The following DCTN5 variants were observed in gnomAD, a reference collection of about 807,000 sequenced individuals.
DCTN5 encodes dynactin subunit 5.
A neutral mutation model predicts 23.5 loss-of-function variants in DCTN5; 14 were observed. The ratio of observed to expected loss-of-function variants is 0.60; its 90% confidence interval spans 0.39 to 0.93. The LOEUF (loss-of-function observed/expected upper bound fraction) is 0.93. DCTN5 is among the 40% of genes least tolerant of loss of function. The probability of loss-of-function intolerance (pLI) is 0.00; values close to 1 mark genes in which losing one functional copy is unlikely to be tolerated. For missense variants in DCTN5, 156 were observed against 225.9 expected (o/e 0.69, Z 1.98); for synonymous variants, 67 against 79.6 (o/e 0.84, Z 0.84).
rs75130774 is a variant in DCTN5, at chr16:23,661,355, C to T, written c.348+74C>T. ...TCCCATCCCTCACTTCGGTGGGACC[C>T]TGTTTCTGTGACTAAGCAGGGTAGC... On this transcript the variant is annotated intron_variant, in intron 4 of 5. Transcript: ENST00000300087. 2.6e-3 allele frequency: 2,847 copies of T among 1,080,586 alleles called. 57 individuals are homozygous for T. In the African/African-American group the frequency reaches 0.04, roughly 15 times the overall value. 66.9% of individuals were successfully genotyped at this position (1,080,586 alleles called of 1,614,324 possible).
chr16:23,650,671 C>T lies in DCTN5; in HGVS notation c.117+7648C>T. ...TGCTGTGTACAATTCCACTTATCCA[C>T]CCTCCTCTTGGTGGAAAGTTACTTT... is the stretch of plus-strand genomic sequence containing the variant. On this transcript the variant is annotated intron_variant, in intron 2 of 5. Coordinates refer to ENST00000300087, the MANE Select transcript of DCTN5 (RefSeq NM_032486.4). 6 of 1,303,342 alleles carry T rather than the reference C, an allele frequency of 4.6e-6. No homozygotes were observed. In the South Asian group the frequency reaches 8.1e-5, roughly 18 times the overall value. The allele number at this position is 1,303,342 out of a possible 1,614,324, so 80.7% of individuals were successfully genotyped here.
intron 2 of DCTN5, among the ~76,000 whole-genome samples, chr16:23,646,842 C>G (rs1279230049): frequency 2.0e-5 from 3 of 152,044 alleles, no homozygotes; most frequent in African/African-American, 7.2e-5. Flanking sequence ...TCCCAAAGTG[C>G]CGGGATTACA....
intron 2 of DCTN5, among the ~76,000 whole-genome samples, chr16:23,643,274 C>T (rs1237854538): frequency 6.6e-6 from 1 of 151,922 alleles, no homozygotes; most frequent in East Asian, 1.9e-4. Flanking sequence ...TCGCTGCAAC[C>T]TCCGTCTCCC....
At chr16:23,663,075 C>T (rs1185097403) in intron 4 of DCTN5, among the ~76,000 whole-genome samples, 2 of 152,180 alleles carry the variant, frequency 1.3e-5, no homozygotes, top group Non-Finnish European at 2.9e-5. Context: ...TTTAGTCCAG[C>T]CGTCCCCATG....
rs1009239280 is a variant in DCTN5 at position 23,672,195 on chromosome 16, C to G, written c.*5051C>G. The G allele has an allele frequency of 2.0e-5, 3 of 152,152 alleles. No homozygotes were observed. Among genetic ancestry groups the G allele is most frequent in the African/African-American group, 4.8e-5 (2 of 41,414 alleles). 9.4% of individuals were successfully genotyped at this position (152,152 alleles called of 1,614,324 possible). A position where few individuals can be genotyped will look rare whatever the true frequency, so the allele number is the denominator to read the frequency against. On this transcript the variant is annotated 3_prime_UTR_variant, in exon 6 of 6. Transcript: ENST00000300087. ...TGAGAGACTCTGAGCTTCCTGGGAA[C>G]AGGTATAGGTTCTTTTTATTTCAAT...
intron 4 of DCTN5, among the ~76,000 whole-genome samples, chr16:23,663,626 G>A (rs972225917): frequency 6.6e-6 from 1 of 151,512 alleles, no homozygotes; most frequent in African/African-American, 2.4e-5. Flanking sequence ...TGAAACAGGA[G>A]AATCGCTTGA....
At chr16:23,660,908 G>C (rs1026469185) in intron 3 of DCTN5, among the ~76,000 whole-genome samples, 8 of 152,092 alleles carry the variant, frequency 5.3e-5, no homozygotes, top group African/African-American at 1.9e-4. Flanking sequence ...TTTGGTACCT[G>C]CTCTTTTAGC....
chr16:23,671,450 G>T lies in DCTN5; in HGVS notation c.*4306G>T, dbSNP rs966253570. The T allele has an allele frequency of 6.6e-6, 1 of 152,206 alleles. No homozygotes were observed. The highest frequency in any genetic ancestry group is 1.9e-4 in the East Asian group (1 of 5,202). The allele number at this position is 152,206 out of a possible 1,614,324, so 9.4% of individuals were successfully genotyped here. On this transcript the variant is annotated 3_prime_UTR_variant, in exon 6 of 6. Coordinates refer to ENST00000300087, the MANE Select transcript of DCTN5 (RefSeq NM_032486.4). ...CAGTCCGCCACAAACAAGAGATGGA[G>T]AAATCACCCTTCCTTGTTTTGTATC...
At chr16:23,662,874 A>G (rs1967840143) in intron 4 of DCTN5, among the ~76,000 whole-genome samples, 1 of 152,208 alleles carries the variant, frequency 6.6e-6, no homozygotes, top group Non-Finnish European at 1.5e-5. Flanking sequence ...TTGAATCCAA[A>G]TTCTATTCCC....
Position 23,675,226 on chromosome 16 carries a change from C to T in DCTN5, c.*8082C>T, listed in dbSNP as rs1285156006. ...GTTAAAAAAAAAAATGTTGGCCAGG[C>T]GCAGTGATGGATGCATATGATCCCA... On this transcript the variant is annotated 3_prime_UTR_variant, in exon 6 of 6. Coordinates refer to ENST00000300087, the MANE Select transcript of DCTN5 (RefSeq NM_032486.4). 6.6e-6 allele frequency: 1 copy of T among 152,024 alleles called. No homozygotes were observed. The highest frequency in any genetic ancestry group is 1.5e-5 in the Non-Finnish European group (1 of 68,006). 9.4% of individuals were successfully genotyped at this position (152,024 alleles called of 1,614,324 possible).
In DCTN5 at chr16:23,671,506, T is replaced by A. The variant is rs1223716333; in HGVS notation, c.*4362T>A. ...GGTGCAAACATTTAATCCTCCCAAC[T>A]GTCAAAAAAGTGAGAGTTTCACAGC... is the stretch of plus-strand genomic sequence containing the variant. On this transcript the variant is annotated 3_prime_UTR_variant, in exon 6 of 6. Coordinates refer to ENST00000300087, the MANE Select transcript of DCTN5 (RefSeq NM_032486.4). The A allele has an allele frequency of 6.6e-6, 1 of 152,182 alleles. No individual in the cohort carries two copies. The highest frequency in any genetic ancestry group is 1.5e-5 in the Non-Finnish European group (1 of 68,032). 9.4% of individuals were successfully genotyped at this position (152,182 alleles called of 1,614,324 possible). A position where few individuals can be genotyped will look rare whatever the true frequency, so the allele number is the denominator to read the frequency against.
At chr16:23,643,909 C>T (rs1967364791) in intron 2 of DCTN5, among the ~76,000 whole-genome samples, 1 of 151,932 alleles carries the variant, frequency 6.6e-6, no homozygotes, top group Non-Finnish European at 1.5e-5. Context: ...CAGTGAAGTT[C>T]ACAGTTGTTT....
Position 23,673,406 on chromosome 16 carries a change from C to G in DCTN5, c.*6262C>G, listed in dbSNP as rs1968043482. On this transcript the variant is annotated 3_prime_UTR_variant, in exon 6 of 6. Coordinates refer to ENST00000300087, the MANE Select transcript of DCTN5 (RefSeq NM_032486.4). ...ACAGTCATGAGCCACTGTGCCCCGC[C>G]ATTTTTTAATAAACCTTTCTAATGG... 1 of 152,204 alleles carries G rather than the reference C, an allele frequency of 6.6e-6. No homozygotes were observed. Among genetic ancestry groups the G allele is most frequent in the Admixed American group, 6.5e-5 (1 of 15,286 alleles). The allele number at this position is 152,204 out of a possible 1,614,324, so 9.4% of individuals were successfully genotyped here.
At chr16:23,641,727 C>G in intron 1 of DCTN5, 137 bp downstream of exon 1, 1 of 878,060 alleles carries the variant, frequency 1.1e-6, no homozygotes, top group Non-Finnish European at 1.8e-6. Flanking sequence ...AGCGATGCCC[C>G]GTGTACCGTC....
rs1005247192 is a variant in DCTN5, at chr16:23,671,080, C to T, written c.*3936C>T. On this transcript the variant is annotated 3_prime_UTR_variant, in exon 6 of 6. Transcript: ENST00000300087. ...GGTCTGAGGGGCCCATTTTGAGAGC[C>T]ATCATAGTGGTGAGGAGTGTGAGTG... The T allele has an allele frequency of 6.6e-6, 1 of 152,136 alleles. No individual in the cohort carries two copies. The highest frequency in any genetic ancestry group is 2.4e-5 in the African/African-American group (1 of 41,422). The allele number at this position is 152,136 out of a possible 1,614,324, so 9.4% of individuals were successfully genotyped here.
chr16:23,665,153 A>T (rs1967882713), intron 4 of DCTN5, among the ~76,000 whole-genome samples: 1 of 152,162 alleles, frequency 6.6e-6, no homozygotes, highest in African/African-American at 2.4e-5. Flanking sequence ...GGGGTCCATC[A>T]GACTAATTGG....
chr16:23,662,834 G>C (rs1322182794), intron 4 of DCTN5, among the ~76,000 whole-genome samples: 2 of 152,148 alleles, frequency 1.3e-5, no homozygotes, highest in East Asian at 3.8e-4. Flanking sequence ...TAACCCTGTC[G>C]TTTATCCTCA....
chr16:23,648,344 CT>C lies in DCTN5; in HGVS notation c.117+5343del, dbSNP rs960786045. 7.8e-3 allele frequency among the ~76,000 whole-genome samples: 823 copies of C among 105,536 alleles called. 3 individuals carry two copies. Among genetic ancestry groups the C allele is most frequent in the Non-Finnish European group, 0.012 (608 of 50,650 alleles). The allele number at this position is 105,536 out of a possible 152,430, so 69.2% of individuals were successfully genotyped here. A position where few individuals can be genotyped will look rare whatever the true frequency, so the allele number is the denominator to read the frequency against. On this transcript the variant is annotated intron_variant, in intron 2 of 5. Transcript: ENST00000300087. ...GCTGGCTAATTTTTTTTTCTTTTTT[CT>C]TTTTTTTTTTTTTTTTTTTTTAGAG...
At chr16:23,666,884 GT>G in intron 5 of DCTN5, 162 bp from the exon 6 acceptor site, 1 of 1,143,436 alleles carries the variant, frequency 8.7e-7, no homozygotes, top group Non-Finnish European at 1.2e-6. Context: ...CTGTGAAAAA[GT>G]TTAGCTGTTC....
Sources: allele counts gnomAD v4.1 joint callset (sites outside exome capture counted in the v4.1 genomes callset), GRCh38; gene constraint gnomAD v4.1.1; transcripts MANE v1.5; gene names NCBI Gene and HGNC (gene_info 2026-07-23, HGNC 2026-07-21).